GRM5: variants seen among roughly 807,000 people sequenced by gnomAD.
GRM5 encodes the protein metabotropic glutamate receptor 5.
In GRM5, 19 loss-of-function variants were observed where a neutral mutation model predicts 83.1. The observed-to-expected ratio is 0.23, with a 90% CI of 0.16 to 0.34. GRM5 has a LOEUF of 0.34. GRM5 is among the 10% of genes least tolerant of loss of function. GRM5 has a pLI of 1.00. For missense variants in GRM5, 1,160 were observed against 1,588.3 expected (o/e 0.73, Z 4.58); for synonymous variants, 675 against 633.6 (o/e 1.07, Z -0.98).
rs575181704 is a variant in GRM5, at chr11:88,795,909, A to G, written c.911+53997T>C. 1.6e-4 allele frequency among the ~76,000 whole-genome samples: 25 copies of G among 152,258 alleles called. 1 individual carries two copies. In the South Asian group the frequency reaches 5.0e-3, roughly 30 times the overall value. On this transcript the variant is annotated intron_variant, in intron 3 of 9. Transcript: ENST00000305447. The stretch of plus-strand genomic sequence containing the variant: ...GAGACATTTTAGAAGCTTTCTTGAT[A>G]AAAAAAGAAAAACAATTAGCTAATC...
chr11:88,854,160 A>T lies in GRM5; in HGVS notation c.662-4005T>A, dbSNP rs918525635. On this transcript the variant is annotated intron_variant, in intron 2 of 9. Coordinates refer to ENST00000305447, the MANE Select transcript of GRM5 (RefSeq NM_001143831.3). ...TTTCTGCCATTTGCAACATCAGCAT[A>T]TTATTCATTTTTGTACCGCTAATGG... Among the ~76,000 whole-genome samples the T allele has an allele frequency of 2.0e-5, 3 of 151,620 alleles. No homozygotes were observed. In the Admixed American group the frequency reaches 2.0e-4, roughly 10 times the overall value.
intron 3 of GRM5, among the ~76,000 whole-genome samples, chr11:88,711,554 T>C (rs1467880466): frequency 6.6e-6 from 1 of 152,124 alleles, no homozygotes. Context: ...CTCTGATTGC[T>C]TGAGTTGATG....
intron 2 of GRM5, among the ~76,000 whole-genome samples, chr11:88,946,738 C>G (rs1938294827): frequency 6.6e-6 from 1 of 152,008 alleles, no homozygotes; most frequent in African/African-American, 2.4e-5. Context: ...GCAAAGTAAT[C>G]AATTATTTTA....
intron 2 of GRM5, among the ~76,000 whole-genome samples, chr11:88,926,426 G>A (rs754802162): frequency 2.0e-5 from 3 of 152,234 alleles, no homozygotes; most frequent in Non-Finnish European, 4.4e-5. Flanking sequence ...TATCATCCAG[G>A]CATTAAGTTT....
chr11:89,022,341 A>G (rs1941004889), intron 2 of GRM5, among the ~76,000 whole-genome samples: 1 of 152,110 alleles, frequency 6.6e-6, no homozygotes, highest in Admixed American at 6.5e-5. Context: ...AAGTTATGCA[A>G]GATTAAAAAT....
intron 3 of GRM5, among the ~76,000 whole-genome samples, chr11:88,698,674 A>G (rs1940958044): frequency 6.6e-6 from 1 of 152,114 alleles, no homozygotes; most frequent in African/African-American, 2.4e-5. Flanking sequence ...CTGTGTGGCA[A>G]TATGTTTTTA....
At chr11:88,736,531 A>G (rs182913925) in intron 3 of GRM5, among the ~76,000 whole-genome samples, 52 of 152,166 alleles carry the variant, frequency 3.4e-4, no homozygotes, top group Non-Finnish European at 5.6e-4. Context: ...TTTCTCAACC[A>G]ACAAATGTCT....
At chr11:88,788,131 T>C (rs1485403724) in intron 3 of GRM5, among the ~76,000 whole-genome samples, 2 of 152,174 alleles carry the variant, frequency 1.3e-5, no homozygotes, top group African/African-American at 2.4e-5. Flanking sequence ...GAGGAACATC[T>C]CCTTATTCTT....
intron 2 of GRM5, among the ~76,000 whole-genome samples, chr11:88,950,803 C>A (rs896169078): frequency 2.0e-5 from 3 of 152,158 alleles, no homozygotes; most frequent in Non-Finnish European, 4.4e-5. Flanking sequence ...TTATTGTTAT[C>A]ATTGAAAAGA....
At chr11:88,557,994 C>T (rs1239064763) in intron 8 of GRM5, among the ~76,000 whole-genome samples, 2 of 152,094 alleles carry the variant, frequency 1.3e-5, no homozygotes, top group Non-Finnish European at 2.9e-5. Context: ...TTTTCTCTCT[C>T]ATCACTTCAT....
At chr11:88,558,660 G>T (rs1942681893) in intron 8 of GRM5, among the ~76,000 whole-genome samples, 1 of 151,668 alleles carries the variant, frequency 6.6e-6, no homozygotes, top group Non-Finnish European at 1.5e-5. Context: ...AAATTAGCTG[G>T]GTGTGGTGGT....
At chr11:88,967,252 T>TATATATATATATATATATATATACACAC (rs1939011259) in intron 2 of GRM5, among the ~76,000 whole-genome samples, 1 of 16,152 alleles carries the variant, frequency 6.2e-5, no homozygotes, top group Non-Finnish European at 8.9e-5. Context: ...TATACACATA[T>TATATATATATATATATATATATACACAC]ATATATATAT....
At chr11:88,954,289 G>T (rs1204017097) in intron 2 of GRM5, among the ~76,000 whole-genome samples, 2 of 152,056 alleles carry the variant, frequency 1.3e-5, no homozygotes, top group Non-Finnish European at 2.9e-5. Context: ...GAATTCAAAA[G>T]CTTTTCATTG....
chr11:88,809,686 C>T (rs1943556633), intron 3 of GRM5, among the ~76,000 whole-genome samples: 2 of 151,058 alleles, frequency 1.3e-5, no homozygotes, highest in African/African-American at 4.9e-5. Context: ...AACAAGGCAG[C>T]ATTAAAGACA....
chr11:88,744,777 T>G (rs1942099003), intron 3 of GRM5, among the ~76,000 whole-genome samples: 2 of 152,062 alleles, frequency 1.3e-5, no homozygotes, highest in Non-Finnish European at 2.9e-5. Context: ...AACAACTCTA[T>G]CAGAAGTACT....
intron 2 of GRM5, among the ~76,000 whole-genome samples, chr11:88,979,215 A>G (rs524874): frequency 0.62 from 93,496 of 152,006 alleles, 30,258 homozygotes; most frequent in African/African-American, 0.82. Context: ...TATCCTGAGA[A>G]AAACCAGTCT....
intron 3 of GRM5, among the ~76,000 whole-genome samples, chr11:88,691,217 T>C (rs559895204): frequency 6.6e-6 from 1 of 152,264 alleles, no homozygotes; most frequent in East Asian, 1.9e-4. Context: ...AATCAAACAC[T>C]TTTTCTACCA....
chr11:88,827,075 A>C (rs72643329), intron 3 of GRM5, among the ~76,000 whole-genome samples: 17,298 of 152,230 alleles, frequency 0.11, 2,010 homozygotes, highest in African/African-American at 0.3. Context: ...CTGGCTAAAT[A>C]AGCAATTTGT....
rs1023154335 is a variant in GRM5, at chr11:88,676,931, G to A, written c.912-23528C>T. Among the ~76,000 whole-genome samples, 6 of 152,070 alleles carry A rather than the reference G, an allele frequency of 3.9e-5. 1 individual carries two copies. Among genetic ancestry groups the A allele is most frequent in the African/African-American group, 1.4e-4 (6 of 41,508 alleles). ...ACTCGGTAATTCATCTGAATTTGTA[G>A]AACAGCTAATTATATGAGAAATAAA... is the stretch of plus-strand genomic sequence containing the variant. On this transcript the variant is annotated intron_variant, in intron 3 of 9. Coordinates refer to ENST00000305447, the MANE Select transcript of GRM5 (RefSeq NM_001143831.3).
Sources: allele counts gnomAD v4.1 joint callset (sites outside exome capture counted in the v4.1 genomes callset), GRCh38; gene constraint gnomAD v4.1.1; transcripts MANE v1.5; gene names NCBI Gene and HGNC (gene_info 2026-07-23, HGNC 2026-07-21).